GTF2F1: variants seen among roughly 807,000 people sequenced by gnomAD.
The protein encoded by GTF2F1 is general transcription factor IIF 74 kDa subunit.
GTF2F1 carries 39 observed loss-of-function variants against 63.5 expected under a neutral mutation model. That is an observed-to-expected ratio of 0.61 (90% CI 0.48 to 0.80). GTF2F1 has a LOEUF of 0.80. Among genes scored for constraint, GTF2F1 ranks in the 30% least tolerant of loss-of-function variants. GTF2F1 has a pLI of 0.00. For missense variants in GTF2F1, 657 were observed against 718.3 expected (o/e 0.91, Z 0.97); for synonymous variants, 287 against 285.3 (o/e 1.01, Z -0.06).
intron 2 of GTF2F1, 153 bp from the exon 3 acceptor site, chr19:6,392,127 A>G (rs377154991): frequency 5.0e-5 from 34 of 676,438 alleles, no homozygotes; most frequent in East Asian, 2.3e-4. Context: ...ACTCAATTCA[A>G]TTGAACCATT....
chr19:6,384,995 G>T (rs953377517), intron 5 of GTF2F1, among the ~76,000 whole-genome samples: 2 of 151,824 alleles, frequency 1.3e-5, no homozygotes, highest in Non-Finnish European at 2.9e-5. Context: ...AATTGGCCAG[G>T]CTGGTCTCTT....
chr19:6,391,783 A>G, intron 3 of GTF2F1, 119 bp downstream of exon 3: 1 of 611,892 alleles, frequency 1.6e-6, no homozygotes, highest in Non-Finnish European at 2.9e-6. Context: ...TCACTTGGAG[A>G]AAAGTGAGAA....
intron 3 of GTF2F1, among the ~76,000 whole-genome samples, chr19:6,391,324 T>A (rs2091996165): frequency 6.6e-6 from 1 of 151,716 alleles, no homozygotes; most frequent in South Asian, 2.1e-4. Flanking sequence ...GCCAAAAATG[T>A]CCAACAGTGG....
Position 6,381,401 on chromosome 19 carries a change from C to T in GTF2F1, c.976G>A (p.Glu326Lys), listed in dbSNP as rs1454074232. Residue 326 changes from glutamate to lysine, a missense_variant, in exon 9 of 13, where the codon GAG (glutamate) becomes AAG (lysine). Glu to Lys is a moderately conservative substitution (Grantham distance 56, BLOSUM62 1). This residue lies in a region of GTF2F1 where 602 missense variants were observed against 625.6 expected (regional missense o/e 0.96). Transcript: ENST00000394456. The surrounding 1 kb of genome is among the most constrained non-coding windows in gnomAD (Gnocchi z 4.1). ...TCCTGCGGGGTGGGTGCCTTCTTCT[C>T]CTCCTCCTCCTCCTTGTCCTCCTCA... ...PPEEDKEEEE[E>K]KKAPTPQEKK... is the part of the protein sequence containing the mutation. The T allele has an allele frequency of 6.5e-7, 1 of 1,547,300 alleles. No homozygotes were observed. Among genetic ancestry groups the T allele is most frequent in the East Asian group, 2.3e-5 (1 of 43,474 alleles).
rs775027102 is a variant in GTF2F1 at position 6,387,429 on chromosome 19, G to A, written c.457C>T (p.Arg153Cys). The change falls in exon 5 of 13, where the codon CGC (arginine) becomes TGC (cysteine). Residue 153 changes from arginine (R) to cysteine (C), a missense_variant. Arg to Cys is a radical substitution (Grantham distance 180). Transcript: ENST00000394456. ...TCGGCCTCCTCGGCAGTGAGCGTGC[G>A]ATGCCGGGCCAGCGGTGTGAAATTG... Reference protein sequence around the residue: ...WYNFTPLARHRTLTAEEAEEE... With the variant: ...WYNFTPLARHCTLTAEEAEEE... The A allele has an allele frequency of 1.7e-5, 27 of 1,614,128 alleles. No individual in the cohort carries two copies. The highest frequency in any genetic ancestry group is 4.4e-5 in the South Asian group (4 of 91,096).
intron 3 of GTF2F1, among the ~76,000 whole-genome samples, chr19:6,391,192 A>T (rs73920658): frequency 0.025 from 3,762 of 152,204 alleles, 158 homozygotes; most frequent in African/African-American, 0.086. Flanking sequence ...CAGATCACAC[A>T]CACTACAACT....
chr19:6,387,053 G>A (rs2091976514), intron 5 of GTF2F1: 3 of 286,658 alleles, frequency 1.0e-5, no homozygotes, highest in South Asian at 1.0e-4. Context: ...AACCCTCCTC[G>A]GGTGCCCTGC....
rs148360187 is a variant in GTF2F1, at chr19:6,381,046, C to T, written c.1093-4G>A. The T allele has an allele frequency of 0.019, 30,800 of 1,611,118 alleles. 419 individuals are homozygous for T. Among genetic ancestry groups the T allele is most frequent in the Middle Eastern group, 0.061 (369 of 6,030 alleles). ...TCTTGGGTGGCGTCTTCTTCTTCTG[C>T]AGAGGTCAGGGTTGGGAGGTGGGTG... On this transcript the variant is annotated splice_polypyrimidine_tract_variant and splice_region_variant and intron_variant, in intron 10 of 12. Transcript: ENST00000394456. The surrounding 1 kb of genome is among the most constrained non-coding windows in gnomAD (Gnocchi z 4.1).
Position 6,379,660 on chromosome 19 carries a change from C to G in GTF2F1, c.*621G>C, listed in dbSNP as rs912959427. 6.5e-6 allele frequency: 1 copy of G among 154,108 alleles called. No individual in the cohort carries two copies. The highest frequency in any genetic ancestry group is 1.4e-5 in the Non-Finnish European group (1 of 69,514). 9.5% of individuals were successfully genotyped at this position (154,108 alleles called of 1,614,324 possible). Reference sequence around the variant, plus strand: ...CGTGGTGTCAGCTCACAGCAACCTCCACCTCCCAGGTTCAAGTGAATCTCG... The same window carrying G: ...CGTGGTGTCAGCTCACAGCAACCTCGACCTCCCAGGTTCAAGTGAATCTCG... On this transcript the variant is annotated 3_prime_UTR_variant, in exon 13 of 13. Coordinates refer to ENST00000394456, the MANE Select transcript of GTF2F1 (RefSeq NM_002096.3).
chr19:6,385,946 G>A (rs1382459259), intron 5 of GTF2F1, among the ~76,000 whole-genome samples: 1 of 152,068 alleles, frequency 6.6e-6, no homozygotes, highest in African/African-American at 2.4e-5. Flanking sequence ...CATGGTGGCA[G>A]GCGCCTGTAG....
At chr19:6,391,534 C>A (rs2091998000) in intron 3 of GTF2F1, among the ~76,000 whole-genome samples, 1 of 148,282 alleles carries the variant, frequency 6.7e-6, no homozygotes, top group Non-Finnish European at 1.5e-5. Context: ...CTCACTGCAG[C>A]CTTGAACCCC....
chr19:6,392,195 A>G (rs770485684), intron 2 of GTF2F1: 1 of 594,716 alleles, frequency 1.7e-6, no homozygotes, highest in South Asian at 1.5e-5. Context: ...TTCACTCAAC[A>G]AACCCACCCA....
rs758322168 is a variant in GTF2F1 at position 6,381,548 on chromosome 19, G to A, written c.898+6C>T. On this transcript the variant is annotated splice_donor_region_variant and intron_variant, in intron 8 of 12. Coordinates refer to ENST00000394456, the MANE Select transcript of GTF2F1 (RefSeq NM_002096.3). This position sits in a 1 kb window ranked among gnomAD's most constrained non-coding sequence, Gnocchi z 4.1. ...CATCTCCCCGGCCCGCCCAGCCATC[G>A]CCTACCCTTGGGCCCCTCCTCCTGC... 63 of 1,612,510 alleles carry A rather than the reference G, an allele frequency of 3.9e-5. No homozygotes were observed. Among genetic ancestry groups the A allele is most frequent in the Non-Finnish European group, 5.0e-5 (59 of 1,180,002 alleles).
chr19:6,385,622 G>C (rs1379112946), intron 5 of GTF2F1, among the ~76,000 whole-genome samples: 1 of 152,102 alleles, frequency 6.6e-6, no homozygotes, highest in East Asian at 1.9e-4. Flanking sequence ...AGGCAGACCT[G>C]GGGGCTGTTG....
At chr19:6,387,960 C>T (rs543657236) in intron 4 of GTF2F1, among the ~76,000 whole-genome samples, 2 of 149,764 alleles carry the variant, frequency 1.3e-5, no homozygotes, top group African/African-American at 4.9e-5. Context: ...GATGGAGTCT[C>T]GCTCTGGCAC....
At chr19:6,392,021 A>G (rs753660774) in intron 2 of GTF2F1, 47 bp from the exon 3 acceptor site, 18 of 946,020 alleles carry the variant, frequency 1.9e-5, no homozygotes, top group Non-Finnish European at 2.3e-5. Flanking sequence ...CAGCAATTCA[A>G]TCATTAATTT....
rs141629505 is a variant in GTF2F1 at position 6,388,818 on chromosome 19, C to T, written c.326+626G>A. Among the ~76,000 whole-genome samples, 311 of 152,196 alleles carry T rather than the reference C, an allele frequency of 2.0e-3. 2 individuals are homozygous for T. The highest frequency in any genetic ancestry group is 0.014 in the East Asian group (72 of 5,172). ...CAAAAATTAGCCAGGCATGGTGGGGCGTGCCTATAGTCCCAGCTACTCAGG... is the reference window on the plus strand; with the variant it reads ...CAAAAATTAGCCAGGCATGGTGGGGTGTGCCTATAGTCCCAGCTACTCAGG... On this transcript the variant is annotated intron_variant, in intron 4 of 12. Coordinates refer to ENST00000394456, the MANE Select transcript of GTF2F1 (RefSeq NM_002096.3).
chr19:6,388,461 A>T (rs1045882793), intron 4 of GTF2F1, among the ~76,000 whole-genome samples: 2 of 152,080 alleles, frequency 1.3e-5, no homozygotes, highest in Non-Finnish European at 2.9e-5. Flanking sequence ...ACTATCACCC[A>T]ACTGCTGTGC....
In GTF2F1 at chr19:6,381,229, C is replaced by T. The variant is rs1413798161; in HGVS notation, c.1019-34G>A. The T allele has an allele frequency of 4.4e-6, 7 of 1,585,734 alleles. No individual in the cohort carries two copies. Among genetic ancestry groups the T allele is most frequent in the Non-Finnish European group, 5.1e-6 (6 of 1,167,028 alleles). The stretch of plus-strand genomic sequence containing the variant: ...CACAGGAAAGGGGTCAGGGCCAGAG[C>T]AACCCCGGGACCCGGTGCCCACTGG... On this transcript the variant is annotated intron_variant, in intron 9 of 12. Transcript: ENST00000394456. This position sits in a 1 kb window ranked among gnomAD's most constrained non-coding sequence, Gnocchi z 4.1.
Sources: gnomAD v4.1 joint callset for allele counts (sites outside exome capture counted in the v4.1 genomes callset) on GRCh38, gnomAD v4.1.1 for gene constraint, gnomAD v4.1.1 regional missense constraint, Gnocchi (gnomAD v3.1) non-coding constraint, MANE v1.5 for transcripts, NCBI Gene and HGNC (gene_info 2026-07-23, HGNC 2026-07-21) for gene names.